PRAME: variants seen among roughly 807,000 people sequenced by gnomAD.
PRAME encodes melanoma antigen preferentially expressed in tumors.
A neutral mutation model predicts 32.1 loss-of-function variants in PRAME; 21 were observed. That is an observed-to-expected ratio of 0.65 (90% CI 0.46 to 0.94). The LOEUF is 0.94. Ranked by LOEUF, PRAME falls within the 40% of genes least tolerant of loss-of-function variation. PRAME has a pLI of 0.00. For missense variants in PRAME, 651 were observed against 622.3 expected (o/e 1.05, Z -0.49); for synonymous variants, 274 against 251.5 (o/e 1.09, Z -0.85).
At chr22:22,550,509 C>T (rs1427352552) in intron 4 of PRAME, among the ~76,000 whole-genome samples, 175 bp from the exon 5 acceptor site, 1 of 151,948 alleles carries the variant, frequency 6.6e-6, no homozygotes, top group Admixed American at 6.6e-5. Context: ...TGGGATCCTT[C>T]CTGGTCCCCA....
At chr22:22,548,997 G>A (rs989578948) in intron 5 of PRAME, among the ~76,000 whole-genome samples, 2 of 151,852 alleles carry the variant, frequency 1.3e-5, no homozygotes, top group Admixed American at 1.3e-4. Context: ...AGATACAACT[G>A]AAAATACTTT....
intron 3 of PRAME, 40 bp downstream of exon 3, chr22:22,556,772 C>T (rs1467021013): frequency 1.9e-6 from 3 of 1,611,722 alleles, no homozygotes; most frequent in Non-Finnish European, 2.5e-6. Flanking sequence ...GGGAACAGGG[C>T]TTCTCTGAGC....
In PRAME at chr22:22,548,110, T is replaced by C. The variant is rs1569211180; in HGVS notation, c.1487A>G (p.Tyr496Cys). 3.1e-6 allele frequency: 5 copies of C among 1,613,492 alleles called. No individual in the cohort carries two copies. The highest frequency in any genetic ancestry group is 2.2e-5 in the East Asian group (1 of 44,788). ...PCPHCGDRTFYDPEPILCPCF... is the reference protein window; with the variant it reads ...PCPHCGDRTFCDPEPILCPCF... ...GGGGCACAGGATGGGCTCCGGGTCA[T>C]AGAAGGTTCTGTCCCCACAGTGAGG... Residue 496 changes from tyrosine to cysteine, a missense_variant, in exon 6 of 6, where the codon TAT becomes TGT. Transcript: ENST00000405655.
chr22:22,550,812 A>G lies in PRAME; in HGVS notation c.299T>C (p.Val100Ala). 6.2e-7 allele frequency: 1 copy of G among 1,608,872 alleles called. No homozygotes were observed. Among genetic ancestry groups the G allele is most frequent in the Non-Finnish European group, 8.5e-7 (1 of 1,176,428 alleles). The part of the protein sequence containing the change: ...QHLHLETFKA[V>A]LDGLDVLLAQ... ...AAGGAGCACATCAAGTCCATCAAGC[A>G]CAGCTTTGAAGGTCTCCAGGTGAAG... is the stretch of plus-strand genomic sequence containing the variant. Residue 100 changes from valine to alanine, a missense_variant, in exon 4 of 6, where the codon GTG becomes GCG. Coordinates refer to ENST00000405655, the MANE Select transcript of PRAME (RefSeq NM_206956.3).
At position 22,559,250 on chromosome 22, in the gene PRAME, G is replaced by A; in HGVS notation, c.-393C>T. The stretch of plus-strand genomic sequence containing the variant: ...TGAGGCGCTGCAGGCCCGGCTTCTG[G>A]CTGCGGGGGAGCTGTACCCTGAAGC... On this transcript the variant is annotated 5_prime_UTR_variant, in exon 1 of 6. Coordinates refer to ENST00000405655, the MANE Select transcript of PRAME (RefSeq NM_206956.3). 1 of 314,714 alleles carries A rather than the reference G, an allele frequency of 3.2e-6. No homozygotes were observed. Among genetic ancestry groups the A allele is most frequent in the Non-Finnish European group, 6.2e-6 (1 of 160,212 alleles). 19.5% of individuals were successfully genotyped at this position (314,714 alleles called of 1,614,324 possible).
intron 3 of PRAME, 137 bp downstream of exon 3, chr22:22,556,675 A>T: frequency 9.4e-7 from 1 of 1,065,466 alleles, no homozygotes; most frequent in Non-Finnish European, 1.4e-6. Flanking sequence ...AAATGACCAG[A>T]AACAATAAAA....
At chr22:22,552,789 G>A (rs1281463432) in intron 3 of PRAME, 1 of 470,188 alleles carries the variant, frequency 2.1e-6, no homozygotes, top group Admixed American at 2.4e-5. Context: ...AGTGGCCATA[G>A]CCTGAGGCTC....
intron 5 of PRAME, 66 bp from the exon 6 acceptor site, chr22:22,548,709 GCC>G: frequency 7.1e-7 from 1 of 1,399,286 alleles, no homozygotes; most frequent in Non-Finnish European, 9.7e-7. Context: ...CTGGAGAGAG[GCC>G]CATTTCACCA....
In PRAME at chr22:22,548,350, T is replaced by C. The variant is rs1172881018; in HGVS notation, c.1247A>G (p.Asn416Ser). 2 of 1,613,586 alleles carry C rather than the reference T, an allele frequency of 1.2e-6. No individual in the cohort carries two copies. Among genetic ancestry groups the C allele is most frequent in the Non-Finnish European group, 1.7e-6 (2 of 1,179,932 alleles). ...SQLTTLSFYG[N>S]SISISALQSL... ...CTGCAGGGCAGATATGGAGATGGAA[T>C]TCCCGTAGAAGCTTAAGGTCGTAAG... Residue 416 changes from asparagine to serine, a missense_variant, in exon 6 of 6, where the codon AAT (asparagine) becomes AGT (serine). Asn to Ser is a conservative substitution (Grantham distance 46, BLOSUM62 1). Coordinates refer to ENST00000405655, the MANE Select transcript of PRAME (RefSeq NM_206956.3).
chr22:22,553,641 T>C (rs1405548835), intron 3 of PRAME, among the ~76,000 whole-genome samples: 4 of 151,928 alleles, frequency 2.6e-5, no homozygotes, highest in Admixed American at 1.3e-4. Context: ...CAAACAGCCT[T>C]GACAAGATTA....
At chr22:22,549,293 A>T (rs1415087175) in intron 5 of PRAME, among the ~76,000 whole-genome samples, 1 of 151,924 alleles carries the variant, frequency 6.6e-6, no homozygotes, top group Non-Finnish European at 1.5e-5. Flanking sequence ...ACAGACAGGA[A>T]ATTTGAGGCA....
intron 3 of PRAME, among the ~76,000 whole-genome samples, chr22:22,552,152 A>T (rs2062619377): frequency 6.6e-6 from 1 of 150,940 alleles, no homozygotes; most frequent in East Asian, 2.0e-4. Context: ...AAGAAAGAAA[A>T]TGTCTTTAAT....
Position 22,556,930 on chromosome 22 carries a change from G to A in PRAME, c.-77-21C>T, listed in dbSNP as rs577891243. On this transcript the variant is annotated intron_variant, in intron 2 of 5. Transcript: ENST00000405655. ...CACGTCTGAGAGTAATAATCAAAAT[G>A]CTCCAAAAAGAAGAATACATGTATA... 6.8e-6 allele frequency: 10 copies of A among 1,465,542 alleles called. No homozygotes were observed. In the East Asian group the frequency reaches 9.1e-5, roughly 13 times the overall value. 90.8% of individuals were successfully genotyped at this position (1,465,542 alleles called of 1,614,324 possible).
In PRAME at chr22:22,547,893, CT is replaced by C. The variant is rs972270635; in HGVS notation, c.*173del. ...AACATCTGCCTACCCCCAACTTCCC[CT>C]TTTTTTCCTCACTGAACATTTGTCT... is the stretch of plus-strand genomic sequence containing the variant. On this transcript the variant is annotated 3_prime_UTR_variant, in exon 6 of 6. Coordinates refer to ENST00000405655, the MANE Select transcript of PRAME (RefSeq NM_206956.3). 19 of 735,638 alleles carry C rather than the reference CT, an allele frequency of 2.6e-5. No homozygotes were observed. The highest frequency in any genetic ancestry group is 1.9e-4 in the South Asian group (10 of 53,932). The allele number at this position is 735,638 out of a possible 1,614,324, so 45.6% of individuals were successfully genotyped here. A position where few individuals can be genotyped will look rare whatever the true frequency, so the allele number is the denominator to read the frequency against.
intron 5 of PRAME, 144 bp downstream of exon 5, chr22:22,549,582 C>A (rs534819613): frequency 4.7e-5 from 50 of 1,065,982 alleles, no homozygotes; most frequent in South Asian, 2.3e-4. Context: ...TGCTTGGGGA[C>A]AGTGGTGAAC....
In PRAME at chr22:22,548,465, C is replaced by T; in HGVS notation, c.1132G>A (p.Ala378Thr). 1 of 1,613,716 alleles carries T rather than the reference C, an allele frequency of 6.2e-7. No homozygotes were observed. The highest frequency in any genetic ancestry group is 2.2e-5 in the East Asian group (1 of 44,784). The stretch of plus-strand genomic sequence containing the variant: ...TCAAAGACCAGGTCCTGGAGGGTGG[C>T]AGAGGCTCTCTCCAGCAGAGCTTGG... ...PLQALLERAS[A>T]TLQDLVFDEC... Residue 378 changes from alanine to threonine, a missense_variant, in exon 6 of 6, where the codon GCC becomes ACC. Physicochemically the swap from Ala to Thr is moderately conservative, Grantham distance 58. Coordinates refer to ENST00000405655, the MANE Select transcript of PRAME (RefSeq NM_206956.3).
intron 3 of PRAME, among the ~76,000 whole-genome samples, chr22:22,555,493 C>A (rs763311422): frequency 3.3e-5 from 5 of 151,888 alleles, no homozygotes; most frequent in Non-Finnish European, 7.4e-5. Context: ...CTGTCTAGGC[C>A]TCCCAAAGTG....
rs1219894186 is a variant in PRAME at position 22,550,294 on chromosome 22, G to A, written c.385C>T (p.His129Tyr). 1.2e-6 allele frequency: 2 copies of A among 1,613,262 alleles called. No individual in the cohort carries two copies. The highest frequency in any genetic ancestry group is 2.2e-5 in the East Asian group (1 of 44,788). The part of the protein sequence containing the change: ...LQVLDLRKNS[H>Y]QDFWTVWSGN... ...GACCATACAGTCCAGAAGTCCTGAT[G>A]AGAGTTCTTCCGTAAATCCAGCACT... Residue 129 changes from histidine (H) to tyrosine (Y), a missense_variant, in exon 5 of 6, where the codon CAT (histidine) becomes TAT (tyrosine). By Grantham distance (83) the His-to-Tyr change is moderately conservative. Coordinates refer to ENST00000405655, the MANE Select transcript of PRAME (RefSeq NM_206956.3).
At chr22:22,558,665 C>T (rs1453435726) in intron 1 of PRAME, among the ~76,000 whole-genome samples, 3 of 62,506 alleles carry the variant, frequency 4.8e-5, no homozygotes, top group Admixed American at 1.9e-4. Context: ...GTGCGGTGGG[C>T]GAATGGAGAG....
Sources: allele counts gnomAD v4.1 joint callset (sites outside exome capture counted in the v4.1 genomes callset), GRCh38; gene constraint gnomAD v4.1.1; transcripts MANE v1.5; gene names NCBI Gene and HGNC (gene_info 2026-07-23, HGNC 2026-07-21).